PPM1B: variants seen among roughly 807,000 people sequenced by gnomAD.
The protein encoded by PPM1B is protein phosphatase 1B.
Under a neutral mutation model 43.0 loss-of-function variants are expected in PPM1B, and 22 were observed. The ratio of observed to expected loss-of-function variants is 0.51; its 90% CI spans 0.37 to 0.73. PPM1B has a LOEUF of 0.73. Ranked by LOEUF, PPM1B falls within the 30% of genes least tolerant of loss-of-function variation. PPM1B has a pLI of 0.00. For missense variants in PPM1B, 632 were observed against 584.2 expected (o/e 1.08, Z -0.84); for synonymous variants, 217 against 197.9 (o/e 1.10, Z -0.81).
chr2:44,218,695 G>T lies in PPM1B; in HGVS notation c.1134+158G>T, dbSNP rs1217018886. 6.7e-6 allele frequency: 4 copies of T among 594,582 alleles called. No individual in the cohort carries two copies. In the African/African-American group the frequency reaches 7.7e-5, roughly 11 times the overall value. 36.8% of individuals were successfully genotyped at this position (594,582 alleles called of 1,614,324 possible). A position where few individuals can be genotyped will look rare whatever the true frequency, so the allele number is the denominator to read the frequency against. On this transcript the variant is annotated intron_variant, in intron 5 of 5. Transcript: ENST00000282412. ...AGTGTCAGTTAAAGTTTAAGAAAAT[G>T]TATTGAAATGAAGGTAGAGATAAAA...
In PPM1B at chr2:44,231,352, G is replaced by A; in HGVS notation, c.*634G>A. On this transcript the variant is annotated 3_prime_UTR_variant, in exon 6 of 6. Coordinates refer to ENST00000282412, the MANE Select transcript of PPM1B (RefSeq NM_002706.6). ...GAAAAACCTATGTATTATTCATACA[G>A]CTTTGGTTTGTATATTCTGTATAGC... 6.1e-6 allele frequency: 6 copies of A among 977,324 alleles called. No homozygotes were observed. Among genetic ancestry groups the A allele is most frequent in the Non-Finnish European group, 7.3e-6 (6 of 822,708 alleles). The allele number at this position is 977,324 out of a possible 1,614,324, so 60.5% of individuals were successfully genotyped here.
intron 5 of PPM1B, among the ~76,000 whole-genome samples, chr2:44,242,590 G>A (rs560800380): frequency 6.6e-6 from 1 of 152,172 alleles, no homozygotes; most frequent in African/African-American, 2.4e-5. Context: ...GTATACAAGA[G>A]TAGCTATGTT....
chr2:44,239,889 T>C (rs1486745393), intron 5 of PPM1B, among the ~76,000 whole-genome samples: 3 of 90,362 alleles, frequency 3.3e-5, no homozygotes, highest in Admixed American at 1.1e-4. Flanking sequence ...TTTTTGTTTT[T>C]GTTTTTGTTT....
intron 1 of PPM1B, among the ~76,000 whole-genome samples, chr2:44,188,389 CTTTCTTT>C (rs1265357471): frequency 1.9e-4 from 22 of 118,734 alleles, no homozygotes; most frequent in African/African-American, 6.5e-4. Flanking sequence ...TTCTTTCTTT[CTTTCTTT>C]TTTTTTTTTT....
At chr2:44,171,692 C>G (rs1462924955) in intron 1 of PPM1B, among the ~76,000 whole-genome samples, 1 of 151,944 alleles carries the variant, frequency 6.6e-6, no homozygotes, top group Non-Finnish European at 1.5e-5. Flanking sequence ...TAGCCAGGTG[C>G]GGTGGCGCGT....
intron 1 of PPM1B, among the ~76,000 whole-genome samples, chr2:44,194,584 G>A (rs1017951244): frequency 1.3e-5 from 2 of 152,070 alleles, no homozygotes; most frequent in African/African-American, 2.4e-5. Context: ...TTAGCCAGGC[G>A]TGGTGGCGGG....
chr2:44,214,636 A>G (rs1669636717), intron 3 of PPM1B, among the ~76,000 whole-genome samples: 1 of 152,114 alleles, frequency 6.6e-6, no homozygotes, highest in African/African-American at 2.4e-5. Flanking sequence ...GGAAGCATCA[A>G]CATAAGGGGT....
At chr2:44,219,773 G>A (rs1176691221) in intron 5 of PPM1B, among the ~76,000 whole-genome samples, 5 of 151,836 alleles carry the variant, frequency 3.3e-5, no homozygotes, top group Non-Finnish European at 7.4e-5. Flanking sequence ...GAGAAACCCC[G>A]TCTCTACTAA....
intron 5 of PPM1B, among the ~76,000 whole-genome samples, chr2:44,229,304 A>T (rs17039152): frequency 0.1 from 15,827 of 152,206 alleles, 2,652 homozygotes; most frequent in African/African-American, 0.36. Flanking sequence ...GTGTATAAAA[A>T]AATAAATTGT....
chr2:44,180,037 C>T (rs1261125073), intron 1 of PPM1B, among the ~76,000 whole-genome samples: 3 of 85,830 alleles, frequency 3.5e-5, no homozygotes, highest in African/African-American at 1.2e-4. Flanking sequence ...AAGACTTTAA[C>T]CTCAAGTCAA....
chr2:44,246,621 A>C (rs1363105005), downstream of PPM1B, among the ~76,000 whole-genome samples: 1 of 152,184 alleles, frequency 6.6e-6, no homozygotes, highest in Admixed American at 6.5e-5. Flanking sequence ...ATATTTCTCC[A>C]GTTTATCTAC....
At chr2:44,218,590 C>A (rs977402569) in intron 5 of PPM1B, 53 bp downstream of exon 5, 9 of 1,222,728 alleles carry the variant, frequency 7.4e-6, no homozygotes, top group Non-Finnish European at 1.1e-5. Context: ...AATATAAATA[C>A]TAAATATGAA....
chr2:44,226,444 C>T (rs1277713011), intron 5 of PPM1B, among the ~76,000 whole-genome samples: 1 of 152,268 alleles, frequency 6.6e-6, no homozygotes, highest in South Asian at 2.1e-4. Flanking sequence ...ACCTTTCATC[C>T]AACCTTATTA....
chr2:44,217,619 C>T (rs1469273946), intron 3 of PPM1B, among the ~76,000 whole-genome samples: 3 of 152,088 alleles, frequency 2.0e-5, no homozygotes, highest in Non-Finnish European at 2.9e-5. Flanking sequence ...ACACCTATTT[C>T]GTAATTTTTA....
intron 1 of PPM1B, among the ~76,000 whole-genome samples, chr2:44,200,932 A>G (rs756172496): frequency 6.6e-6 from 1 of 152,228 alleles, no homozygotes; most frequent in African/African-American, 2.4e-5. Flanking sequence ...GAGGCTTTTA[A>G]AAGATGATAT....
chr2:44,233,004 A>G (rs182037116), downstream of PPM1B: 520 of 982,108 alleles, frequency 5.3e-4, 3 homozygotes, highest in African/African-American at 8.5e-3. Flanking sequence ...TATCTACTGC[A>G]TCCTTCAACT....
chr2:44,219,345 A>T (rs2104227437), intron 5 of PPM1B: 1 of 152,168 alleles, frequency 6.6e-6, no homozygotes, highest in African/African-American at 2.4e-5. Flanking sequence ...ACTGATTGGG[A>T]GGAAGAGTCC....
chr2:44,179,480 GTC>G (rs199688818), intron 1 of PPM1B, among the ~76,000 whole-genome samples: 5 of 151,812 alleles, frequency 3.3e-5, no homozygotes, highest in East Asian at 3.9e-4. Flanking sequence ...GATATTGAGA[GTC>G]TCTCTCTCTC....
downstream of PPM1B, among the ~76,000 whole-genome samples, chr2:44,236,924 A>C (rs1670638835): frequency 1.3e-5 from 2 of 152,374 alleles, 1 homozygote; most frequent in African/African-American, 4.8e-5. Flanking sequence ...GAGAAGCTAA[A>C]TAGTATTTAG....
Sources: gnomAD v4.1 joint callset for allele counts (sites outside exome capture counted in the v4.1 genomes callset) on GRCh38, gnomAD v4.1.1 for gene constraint, MANE v1.5 for transcripts, NCBI Gene and HGNC (gene_info 2026-07-23, HGNC 2026-07-21) for gene names.